WASF3: variants seen among roughly 807,000 people sequenced by gnomAD.
WASF3 encodes actin-binding protein WASF3.
Under a neutral mutation model 46.6 loss-of-function variants are expected in WASF3, and 11 were observed. That is an observed-to-expected ratio of 0.24 (90% CI 0.15 to 0.39). The LOEUF is 0.39. Ranked by LOEUF, WASF3 falls within the 10% of genes least tolerant of loss-of-function variation. WASF3 has a pLI of 1.00. For missense variants in WASF3, 576 were observed against 669.8 expected (o/e 0.86, Z 1.55); for synonymous variants, 242 against 259.7 (o/e 0.93, Z 0.65).
At chr13:26,571,515 A>G (rs1456419255) in intron 1 of WASF3, among the ~76,000 whole-genome samples, 2 of 152,208 alleles carry the variant, frequency 1.3e-5, no homozygotes, top group South Asian at 2.1e-4. Flanking sequence ...CCCAGTTATT[A>G]GTGATGCCAC....
At chr13:26,544,742 T>A in the WASF3 span, among the ~76,000 whole-genome samples, 2 of 152,182 alleles carry the variant, frequency 1.3e-5, no homozygotes, top group African/African-American at 4.8e-5. Context: ...TCGGCTACCA[T>A]GAGGACTGCA....
At chr13:26,584,125 C>A (rs886173380) in intron 1 of WASF3, among the ~76,000 whole-genome samples, 2 of 152,212 alleles carry the variant, frequency 1.3e-5, no homozygotes, top group Non-Finnish European at 2.9e-5. Flanking sequence ...AAAGACTCTT[C>A]CTTCCAGGTA....
Position 26,687,723 on chromosome 13 carries a change from CTTTTT to C in WASF3, c.*1888_*1892del, listed in dbSNP as rs370715617. On this transcript the variant is annotated 3_prime_UTR_variant, in exon 10 of 10. Coordinates refer to ENST00000335327, the MANE Select transcript of WASF3 (RefSeq NM_006646.6). ...AAATTTCTAATTTCTCTCTCTCTCT[CTTTTT>C]TTTTTTTTTGTTGTTGTTAAAAAGG... 2 of 139,078 alleles carry C rather than the reference CTTTTT, an allele frequency of 1.4e-5. No homozygotes were observed. Among genetic ancestry groups the C allele is most frequent in the Non-Finnish European group, 3.1e-5 (2 of 65,172 alleles). 8.6% of individuals were successfully genotyped at this position (139,078 alleles called of 1,614,324 possible). A position where few individuals can be genotyped will look rare whatever the true frequency, so the allele number is the denominator to read the frequency against.
rs1320914244 is a variant in WASF3, at chr13:26,627,265, T to G, written c.-11+14207T>G. 6.7e-4 allele frequency among the ~76,000 whole-genome samples: 80 copies of G among 119,786 alleles called. 1 individual carries two copies. The highest frequency in any genetic ancestry group is 1.2e-4 in the Non-Finnish European group (6 of 49,532). The allele number at this position is 119,786 out of a possible 152,430, so 78.6% of individuals were successfully genotyped here. A position where few individuals can be genotyped will look rare whatever the true frequency, so the allele number is the denominator to read the frequency against. ...TTATATTACTATCAACATCTTATAC[T>G]ATACTTTTTTTTTTATTTTCATGTG... On this transcript the variant is annotated intron_variant, in intron 2 of 9. Coordinates refer to ENST00000335327, the MANE Select transcript of WASF3 (RefSeq NM_006646.6).
At chr13:26,640,531 A>C (rs920662409) in intron 2 of WASF3, 2 of 151,460 alleles carry the variant, frequency 1.3e-5, no homozygotes, top group African/African-American at 4.9e-5. Context: ...CCTCCTGAGT[A>C]GCTGGGATTA....
chr13:26,596,459 C>G (rs919097872), intron 1 of WASF3, among the ~76,000 whole-genome samples: 2 of 151,944 alleles, frequency 1.3e-5, no homozygotes, highest in African/African-American at 4.8e-5. Flanking sequence ...TCATCATATT[C>G]TGACTTTAAT....
intron 3 of WASF3, among the ~76,000 whole-genome samples, chr13:26,656,720 TGTTA>T (rs1393491808): frequency 2.0e-5 from 3 of 152,154 alleles, no homozygotes; most frequent in African/African-American, 4.8e-5. Flanking sequence ...ATCCCAATTT[TGTTA>T]GTTATGTTTT....
intron 1 of WASF3, among the ~76,000 whole-genome samples, chr13:26,599,513 T>C (rs1432001487): frequency 3.3e-5 from 5 of 152,172 alleles, no homozygotes; most frequent in South Asian, 2.1e-4. Context: ...GCACTACCCA[T>C]GTGTATTTGA....
intron 3 of WASF3, among the ~76,000 whole-genome samples, chr13:26,643,696 T>G (rs1306167742): frequency 2.0e-5 from 3 of 152,238 alleles, no homozygotes; most frequent in African/African-American, 7.2e-5. Context: ...AAATGCCTGT[T>G]GGCACAAAGT....
rs563469289 is a variant in WASF3 at position 26,666,658 on chromosome 13, G to A, written c.269-859G>A. Among the ~76,000 whole-genome samples the A allele has an allele frequency of 3.9e-5, 6 of 152,204 alleles. 1 individual carries two copies. In the South Asian group the frequency reaches 1.2e-3, roughly 32 times the overall value. ...CTCACGCCTGTAATCCCAGCACTTCGGGAGGCCGAGGCAGGCGGATCATGA... is the reference window on the plus strand; with the variant it reads ...CTCACGCCTGTAATCCCAGCACTTCAGGAGGCCGAGGCAGGCGGATCATGA... On this transcript the variant is annotated intron_variant, in intron 4 of 9. Coordinates refer to ENST00000335327, the MANE Select transcript of WASF3 (RefSeq NM_006646.6).
chr13:26,563,654 CAAAAAAAAAAA>C (rs34374716), intron 1 of WASF3, among the ~76,000 whole-genome samples: 24 of 47,034 alleles, frequency 5.1e-4, no homozygotes, highest in Middle Eastern at 0.018. Flanking sequence ...GACTCCATCT[CAAAAAAAAAAA>C]AAAAAAAAAA....
the WASF3 span, among the ~76,000 whole-genome samples, chr13:26,540,814 A>AT: frequency 1.3e-5 from 2 of 152,202 alleles, no homozygotes; most frequent in African/African-American, 4.8e-5. Context: ...CTATTAGGAG[A>AT]TAACACTGAG....
At chr13:26,582,587 G>C (rs1315597405) in intron 1 of WASF3, among the ~76,000 whole-genome samples, 2 of 136,416 alleles carry the variant, frequency 1.5e-5, no homozygotes, top group African/African-American at 5.5e-5. Context: ...TGAGGCAGGA[G>C]AATTGCTTGA....
chr13:26,660,274 C>T (rs188730662), intron 3 of WASF3, among the ~76,000 whole-genome samples: 28 of 140,704 alleles, frequency 2.0e-4, no homozygotes, highest in Admixed American at 1.5e-3. Context: ...GCCAAGACCT[C>T]GAGCCCTGGA....
intron 3 of WASF3, among the ~76,000 whole-genome samples, chr13:26,661,882 A>G (rs9512315): frequency 0.29 from 43,867 of 152,068 alleles, 6,596 homozygotes; most frequent in South Asian, 0.39. Context: ...ATCATGGCAG[A>G]TTTGTAAGAG....
chr13:26,602,265 G>A (rs1214688593), intron 1 of WASF3, among the ~76,000 whole-genome samples: 1 of 152,166 alleles, frequency 6.6e-6, no homozygotes, highest in African/African-American at 2.4e-5. Flanking sequence ...TATATTGGAT[G>A]CCACTGATTA....
chr13:26,606,526 T>A (rs1880804667), intron 1 of WASF3: 1 of 151,580 alleles, frequency 6.6e-6, no homozygotes, highest in African/African-American at 2.4e-5. Flanking sequence ...CAGCTAATTT[T>A]TTTTTTTTTT....
At chr13:26,647,702 C>T (rs553752828) in intron 3 of WASF3, among the ~76,000 whole-genome samples, 74 of 151,598 alleles carry the variant, frequency 4.9e-4, no homozygotes, top group African/African-American at 7.7e-4. Flanking sequence ...TTCGCTCCTC[C>T]CCCATAAAAT....
chr13:26,658,022 T>TG (rs1882516915), intron 3 of WASF3, among the ~76,000 whole-genome samples: 1 of 152,244 alleles, frequency 6.6e-6, no homozygotes, highest in African/African-American at 2.4e-5. Flanking sequence ...AAGCAAATGT[T>TG]GCTTGTCCTT....
Sources: gnomAD v4.1 joint callset for allele counts (sites outside exome capture counted in the v4.1 genomes callset) on GRCh38, gnomAD v4.1.1 for gene constraint, MANE v1.5 for transcripts, NCBI Gene and HGNC (gene_info 2026-07-23, HGNC 2026-07-21) for gene names.